SCN3A: variants seen among roughly 807,000 people sequenced by gnomAD.
SCN3A encodes the protein sodium voltage-gated channel alpha subunit 3.
In SCN3A, 60 loss-of-function variants were observed where a neutral mutation model predicts 187.6. The ratio of observed to expected loss-of-function variants is 0.32; its 90% CI spans 0.26 to 0.40. SCN3A has a LOEUF of 0.40. SCN3A is among the 10% of genes least tolerant of loss of function. SCN3A has a pLI of 1.00. For missense variants in SCN3A, 1,601 were observed against 2,428.2 expected (o/e 0.66, Z 7.16); for synonymous variants, 788 against 829.2 (o/e 0.95, Z 0.85).
intron 1 of SCN3A, among the ~76,000 whole-genome samples, chr2:165,191,596 C>T (rs1691617201): frequency 1.3e-5 from 2 of 151,706 alleles, no homozygotes; most frequent in African/African-American, 4.8e-5. Flanking sequence ...ATGACTAACT[C>T]TTCTATCTCC....
chr2:165,129,859 A>T, intron 17 of SCN3A, 81 bp downstream of exon 17: 1 of 1,541,028 alleles, frequency 6.5e-7, no homozygotes, highest in South Asian at 1.1e-5. Flanking sequence ...TAAACCAGAG[A>T]TATGTTTACT....
At chr2:165,107,056 TCAGA>T (rs2105686673) in intron 21 of SCN3A, among the ~76,000 whole-genome samples, 1 of 152,214 alleles carries the variant, frequency 6.6e-6, no homozygotes, top group East Asian at 1.9e-4. Flanking sequence ...AACATTACCA[TCAGA>T]CTAAGTAGGG....
intron 18 of SCN3A, chr2:165,119,905 G>A (rs1022414084): frequency 3.3e-5 from 5 of 152,102 alleles, no homozygotes; most frequent in African/African-American, 4.8e-5. Context: ...TGGGAATATA[G>A]GCATAATAAT....
Position 165,137,933 on chromosome 2 carries a change from C to T in SCN3A, c.2337G>A (p.Met779Ile). ...ATTGCTCAGTCATGGGGTAGTGCTC[C>T]ATGGCCATAAAGAGGGTATTTAAGA... is the stretch of plus-strand genomic sequence containing the variant. ...CIVLNTLFMA[M>I]EHYPMTEQFS... is the part of the protein sequence containing the mutation. The change falls in exon 15 of 28, where the codon ATG (methionine) becomes ATA (isoleucine). Residue 779 changes from methionine (M) to isoleucine (I), a missense_variant. Coordinates refer to ENST00000283254, the MANE Select transcript of SCN3A (RefSeq NM_006922.4). 1.9e-6 allele frequency: 3 copies of T among 1,613,446 alleles called. No homozygotes were observed. The highest frequency in any genetic ancestry group is 2.5e-6 in the Non-Finnish European group (3 of 1,179,502).
At chr2:165,195,894 C>T (rs1174206671) in intron 1 of SCN3A, among the ~76,000 whole-genome samples, 1 of 152,062 alleles carries the variant, frequency 6.6e-6, no homozygotes, top group African/African-American at 2.4e-5. Context: ...TTTTCATTTA[C>T]CTTCATGCTT....
At chr2:165,168,668 T>C in intron 5 of SCN3A, 68 bp downstream of exon 5, 1 of 1,069,744 alleles carries the variant, frequency 9.3e-7, no homozygotes, top group Admixed American at 1.7e-5. Flanking sequence ...AGTCAGGCTA[T>C]ACCCACAAGG....
chr2:165,144,029 TA>T (rs1378727427), intron 12 of SCN3A, among the ~76,000 whole-genome samples: 1 of 152,220 alleles, frequency 6.6e-6, no homozygotes, highest in East Asian at 1.9e-4. Flanking sequence ...GTAATAAACA[TA>T]AAATAACATT....
Position 165,090,455 on chromosome 2 carries a change from C to T in SCN3A, c.5698G>A (p.Glu1900Lys). ...TGAATGATAGCGGCAGACACCTCCT[C>T]TTGTTTACGTTTCAAAGTGGTTGTA... ...PITTTLKRKQ[E>K]EVSAAIIQRN... is the part of the protein sequence containing the mutation. The change falls in exon 28 of 28, where the codon GAG becomes AAG. Residue 1900 changes from glutamate (E) to lysine (K), a missense_variant. Physicochemically the swap from Glu to Lys is moderately conservative, Grantham distance 56 (BLOSUM62 1). Around this residue, in one of 11 missense-constraint regions of SCN3A, gnomAD observed 110 missense variants for 175.9 expected, o/e 0.63. Coordinates refer to ENST00000283254, the MANE Select transcript of SCN3A (RefSeq NM_006922.4). The surrounding 1 kb of genome is among the most constrained non-coding windows in gnomAD (Gnocchi z 4.0). 3 of 1,614,020 alleles carry T rather than the reference C, an allele frequency of 1.9e-6. No homozygotes were observed. The highest frequency in any genetic ancestry group is 2.5e-6 in the Non-Finnish European group (3 of 1,179,960).
intron 21 of SCN3A, among the ~76,000 whole-genome samples, chr2:165,108,096 G>A (rs1213126182): frequency 6.6e-6 from 1 of 152,080 alleles, no homozygotes; most frequent in African/African-American, 2.4e-5. Flanking sequence ...AGTGCTTTTG[G>A]TGGCACCTGT....
At chr2:165,116,867 C>T (rs1686391224) in intron 18 of SCN3A, among the ~76,000 whole-genome samples, 1 of 151,312 alleles carries the variant, frequency 6.6e-6, no homozygotes, top group Non-Finnish European at 1.5e-5. Flanking sequence ...TAGAGTACCT[C>T]CTAGGTTGGA....
intron 15 of SCN3A, among the ~76,000 whole-genome samples, chr2:165,132,874 C>A (rs2105783244): frequency 6.6e-6 from 1 of 152,204 alleles, no homozygotes; most frequent in Admixed American, 6.5e-5. Context: ...ATTTTCGCAA[C>A]CTACTCATCT....
At chr2:165,142,129 T>A (rs1688044998) in intron 12 of SCN3A, among the ~76,000 whole-genome samples, 1 of 152,198 alleles carries the variant, frequency 6.6e-6, no homozygotes, top group Admixed American at 6.5e-5. Context: ...CTCATTCCCT[T>A]TCCTACTTCT....
At chr2:165,094,680 C>T (rs538937084) in intron 25 of SCN3A, among the ~76,000 whole-genome samples, 10 of 152,104 alleles carry the variant, frequency 6.6e-5, no homozygotes, top group Admixed American at 1.3e-4. Flanking sequence ...AAACTCTGAT[C>T]GCTACAGGAT....
At chr2:165,178,881 A>G (rs1690649328) in intron 2 of SCN3A, among the ~76,000 whole-genome samples, 1 of 152,232 alleles carries the variant, frequency 6.6e-6, no homozygotes, top group Non-Finnish European at 1.5e-5. Flanking sequence ...TCTTATGTCA[A>G]TTTTGATGAT....
chr2:165,131,315 C>A lies in SCN3A; in HGVS notation c.2494G>T (p.Val832Phe). Reference protein sequence around the residue: ...EGWNIFDGIIVSLSLMELGLS... With the variant: ...EGWNIFDGIIFSLSLMELGLS... ...CCAAGCTCCATTAAACTGAGGCTGA[C>A]AATAATTCCATCAAAGATATTCCAG... is the stretch of plus-strand genomic sequence containing the variant. Residue 832 changes from valine to phenylalanine, a missense_variant, in exon 16 of 28, where the codon GTC (valine) becomes TTC (phenylalanine). Val to Phe is a conservative substitution (Grantham distance 50). Coordinates refer to ENST00000283254, the MANE Select transcript of SCN3A (RefSeq NM_006922.4). 6.2e-7 allele frequency: 1 copy of A among 1,608,004 alleles called. No homozygotes were observed. The highest frequency in any genetic ancestry group is 8.5e-7 in the Non-Finnish European group (1 of 1,176,336).
intron 18 of SCN3A, among the ~76,000 whole-genome samples, chr2:165,121,120 G>A (rs1486461133): frequency 6.7e-6 from 1 of 150,186 alleles, no homozygotes; most frequent in East Asian, 2.0e-4. Flanking sequence ...TTTAAAGGTT[G>A]AGATGGGTTT....
In SCN3A at chr2:165,092,362, C is replaced by G. The variant is rs1574091651; in HGVS notation, c.4699G>C (p.Val1567Leu). The G allele has an allele frequency of 2.5e-6, 4 of 1,613,802 alleles. No homozygotes were observed. Among genetic ancestry groups the G allele is most frequent in the Non-Finnish European group, 3.4e-6 (4 of 1,179,958 alleles). The part of the protein sequence containing the change: ...VLSRINLVFI[V>L]LFTGEFVLKL... ...AGCACAAATTCTCCAGTGAACAGAA[C>G]AATGAACACTAGGTTGATCCGGGAC... Residue 1567 changes from valine (V) to leucine (L), a missense_variant, in exon 27 of 28, where the codon GTT (valine) becomes CTT (leucine). Around this residue, in one of 11 missense-constraint regions of SCN3A, gnomAD observed 320 missense variants for 623.2 expected, o/e 0.51. Coordinates refer to ENST00000283254, the MANE Select transcript of SCN3A (RefSeq NM_006922.4). This position sits in a 1 kb window ranked among gnomAD's most constrained non-coding sequence, Gnocchi z 4.2.
chr2:165,179,563 C>T (rs556287282), intron 2 of SCN3A: 1 of 152,270 alleles, frequency 6.6e-6, no homozygotes, highest in East Asian at 1.9e-4. Flanking sequence ...TTCTTATTTA[C>T]TTATCAAGGG....
chr2:165,202,461 A>G (rs1273131198), intron 1 of SCN3A, among the ~76,000 whole-genome samples: 1 of 152,026 alleles, frequency 6.6e-6, no homozygotes, highest in Non-Finnish European at 1.5e-5. Context: ...ATTAACAGCC[A>G]TTTCTGGGAA....
Sources: gnomAD v4.1 joint callset for allele counts (sites outside exome capture counted in the v4.1 genomes callset) on GRCh38, gnomAD v4.1.1 for gene constraint, gnomAD v4.1.1 regional missense constraint, Gnocchi (gnomAD v3.1) non-coding constraint, MANE v1.5 for transcripts, NCBI Gene and HGNC (gene_info 2026-07-23, HGNC 2026-07-21) for gene names.